GTF2H4: variants seen among roughly 807,000 people sequenced by gnomAD.
The protein encoded by GTF2H4 is BTF2 p52.
GTF2H4 carries 49 observed loss-of-function variants against 62.2 expected under a neutral mutation model. That is an observed-to-expected ratio of 0.79 (90% confidence interval 0.63 to 1.00). The LOEUF (loss-of-function observed/expected upper bound fraction) is 1.00. Ranked by LOEUF, GTF2H4 falls within the 50% of genes least tolerant of loss-of-function variation. The pLI, the probability that GTF2H4 is intolerant of heterozygous loss-of-function variation, is 0.00. For synonymous variants in GTF2H4, 189 were observed against 233.8 expected (o/e 0.81, Z 1.75); for missense variants, 479 against 587.8 (o/e 0.81, Z 1.91).
Position 30,912,051 on chromosome 6 carries a change from T to C in GTF2H4, c.863T>C (p.Ile288Thr). The change falls in exon 10 of 14, where the codon ATC becomes ACC. Residue 288 changes from isoleucine (I) to threonine (T), a missense_variant. Transcript: ENST00000259895. The surrounding 1 kb of genome is among the most constrained non-coding windows in gnomAD (Gnocchi z 4.8). ...CGTTACTACCCCACACGCCTGGCCA[T>C]CAATCTCTCATCAGGTGTCTCTGGA... ...SRRYYPTRLA[I>T]NLSSGVSGAG... 3.7e-6 allele frequency: 6 copies of C among 1,612,948 alleles called. No individual in the cohort carries two copies. The highest frequency in any genetic ancestry group is 5.1e-6 in the Non-Finnish European group (6 of 1,179,986).
Position 30,909,583 on chromosome 6 carries a change from C to A in GTF2H4, c.242+44C>A. ...CAAATTTCTCAACAGCTACATTTCC[C>A]AAACTGCTGTTCCTTGGAGCACTTC... is the stretch of plus-strand genomic sequence containing the variant. On this transcript the variant is annotated intron_variant, in intron 3 of 13. Transcript: ENST00000259895. The surrounding 1 kb of genome is among the most constrained non-coding windows in gnomAD (Gnocchi z 4.3). The A allele has an allele frequency of 1.7e-6, 2 of 1,183,272 alleles. No individual in the cohort carries two copies. The highest frequency in any genetic ancestry group is 2.5e-6 in the Non-Finnish European group (2 of 789,462). 73.3% of individuals were successfully genotyped at this position (1,183,272 alleles called of 1,614,324 possible). A position where few individuals can be genotyped will look rare whatever the true frequency, so the allele number is the denominator to read the frequency against.
In GTF2H4 at chr6:30,912,427, A is replaced by G; in HGVS notation, c.1058A>G (p.Gln353Arg). 6.2e-7 allele frequency: 1 copy of G among 1,612,870 alleles called. No individual in the cohort carries two copies. Among genetic ancestry groups the G allele is most frequent in the South Asian group, 1.1e-5 (1 of 91,082 alleles). Reference protein sequence around the residue: ...VAQVTRESVQQAIASGITAQQ... With the variant: ...VAQVTRESVQRAIASGITAQQ... ...CAGGTGACCCGGGAGAGTGTGCAGC[A>G]GGCAATCGCCAGTGGCATCACAGCC... The change falls in exon 11 of 14, where the codon CAG becomes CGG. Residue 353 changes from glutamine to arginine, a missense_variant. Transcript: ENST00000259895. The surrounding 1 kb of genome is among the most constrained non-coding windows in gnomAD (Gnocchi z 4.8).
In GTF2H4 at chr6:30,910,848, T is replaced by C; in HGVS notation, c.472-5T>C. 6.2e-7 allele frequency: 1 copy of C among 1,612,174 alleles called. No homozygotes were observed. Among genetic ancestry groups the C allele is most frequent in the African/African-American group, 1.3e-5 (1 of 75,000 alleles). On this transcript the variant is annotated splice_polypyrimidine_tract_variant and splice_region_variant and intron_variant, in intron 5 of 13. Coordinates refer to ENST00000259895, the MANE Select transcript of GTF2H4 (RefSeq NM_001517.5). The surrounding 1 kb of genome is among the most constrained non-coding windows in gnomAD (Gnocchi z 4.7). ...ATGGTCTCCCTGTTCTCTTCTGTTC[T>C]TCAGGTGGTCTTGCACTTCATGGTG... is the stretch of plus-strand genomic sequence containing the variant.
At position 30,913,341 on chromosome 6, in the gene GTF2H4, G is replaced by C. The variant is rs559403149; in HGVS notation, c.1170G>C (p.Gln390His). The C allele has an allele frequency of 1.2e-6, 2 of 1,613,414 alleles. No homozygotes were observed. The highest frequency in any genetic ancestry group is 1.7e-6 in the Non-Finnish European group (2 of 1,180,020). Residue 390 changes from glutamine to histidine, a missense_variant, in exon 13 of 14, where the codon CAG becomes CAC. Transcript: ENST00000259895. The surrounding 1 kb of genome is among the most constrained non-coding windows in gnomAD (Gnocchi z 4.2). ...TGCTGCCCCCCACCATCACCGACCAGATCCGGCTCTGGGAGCTGGAAAGGG... is the reference window on the plus strand; with the variant it reads ...TGCTGCCCCCCACCATCACCGACCACATCCGGCTCTGGGAGCTGGAAAGGG... ...TPVLPPTITDQIRLWELERDR... is the reference protein window; with the variant it reads ...TPVLPPTITDHIRLWELERDR...
Position 30,914,009 on chromosome 6 carries a change from CGGCGGGCGGGACTG to C in GTF2H4, c.*33_*46del. On this transcript the variant is annotated 3_prime_UTR_variant, in exon 14 of 14. Coordinates refer to ENST00000259895, the MANE Select transcript of GTF2H4 (RefSeq NM_001517.5). ...GAGCGCGGGACTTGGACACGGACCT[CGGCGGGCGGGACTG>C]GGCGGGGCGGGGCATCAGAACTCAG... The C allele has an allele frequency of 1.2e-6, 1 of 864,906 alleles. No homozygotes were observed. 53.6% of individuals were successfully genotyped at this position (864,906 alleles called of 1,614,324 possible).
At position 30,909,128 on chromosome 6, in the gene GTF2H4, T is replaced by C; in HGVS notation, c.92T>C (p.Leu31Ser). Residue 31 changes from leucine (L) to serine (S), a missense_variant, in exon 2 of 14, where the codon TTG becomes TCG. Transcript: ENST00000259895. The surrounding 1 kb of genome is among the most constrained non-coding windows in gnomAD (Gnocchi z 4.3). ...EFLGGLSPGV[L>S]DRLYGHPATC... Reference sequence around the variant, plus strand: ...TTAGGGGGCCTGAGCCCTGGGGTATTGGACCGATTGTATGGGCACCCTGCC... The same window carrying C: ...TTAGGGGGCCTGAGCCCTGGGGTATCGGACCGATTGTATGGGCACCCTGCC... The C allele has an allele frequency of 1.9e-6, 3 of 1,614,144 alleles. No individual in the cohort carries two copies. Among genetic ancestry groups the C allele is most frequent in the Non-Finnish European group, 2.5e-6 (3 of 1,180,014 alleles).
chr6:30,913,824 C>T lies in GTF2H4; in HGVS notation c.1230C>T (p.Asn410=). Residue 410 remains asparagine, a synonymous_variant, in exon 14 of 14, where the codon AAC becomes AAT. Coordinates refer to ENST00000259895, the MANE Select transcript of GTF2H4 (RefSeq NM_001517.5). The surrounding 1 kb of genome is among the most constrained non-coding windows in gnomAD (Gnocchi z 4.2). ...RLRFTEGVLY[N]QFLSQVDFEL... Reference sequence around the variant, plus strand: ...TGCCGACCCCAGGTGTCCTGTATAACCAGTTCCTGTCGCAAGTGGACTTTG... The same window carrying T: ...TGCCGACCCCAGGTGTCCTGTATAATCAGTTCCTGTCGCAAGTGGACTTTG... 1 of 1,595,132 alleles carries T rather than the reference C, an allele frequency of 6.3e-7. No individual in the cohort carries two copies. Among genetic ancestry groups the T allele is most frequent in the Non-Finnish European group, 8.5e-7 (1 of 1,169,836 alleles).
chr6:30,909,096 G>A lies in GTF2H4; in HGVS notation c.60G>A (p.Gln20=). 1 of 1,614,172 alleles carries A rather than the reference G, an allele frequency of 6.2e-7. No individual in the cohort carries two copies. Among genetic ancestry groups the A allele is most frequent in the Non-Finnish European group, 8.5e-7 (1 of 1,180,002 alleles). The change falls in exon 2 of 14, where the codon CAG becomes CAA. Residue 20 remains glutamine (Q), a synonymous_variant. Transcript: ENST00000259895. This position sits in a 1 kb window ranked among gnomAD's most constrained non-coding sequence, Gnocchi z 4.3. ...TACACCTACAATGCAGGAATCTGCA[G>A]GAATTCTTAGGGGGCCTGAGCCCTG... is the stretch of plus-strand genomic sequence containing the variant. ...NRVHLQCRNL[Q]EFLGGLSPGV...
rs770780375 is a variant in GTF2H4 at position 30,910,718 on chromosome 6, G to A, written c.428G>A (p.Arg143Gln). 12 of 1,612,938 alleles carry A rather than the reference G, an allele frequency of 7.4e-6. No homozygotes were observed. The South Asian group carries it at 7.7e-5, about 10-fold the overall frequency. ...CAGCTGGGACCAGACAAGCATGCCC[G>A]GGACGTTCCCTCCCTTGACAAGTAC... ...TSQLGPDKHA[R>Q]DVPSLDKYAE... Residue 143 changes from arginine (R) to glutamine (Q), a missense_variant, in exon 5 of 14, where the codon CGG (arginine) becomes CAG (glutamine). Transcript: ENST00000259895. This position sits in a 1 kb window ranked among gnomAD's most constrained non-coding sequence, Gnocchi z 4.7.
In GTF2H4 at chr6:30,908,209, T is replaced by TC. The variant is rs1793609584; in HGVS notation, c.-196dup. 1 of 152,700 alleles carries TC rather than the reference T, an allele frequency of 6.5e-6. No individual in the cohort carries two copies. The highest frequency in any genetic ancestry group is 1.5e-5 in the Non-Finnish European group (1 of 68,444). 9.5% of individuals were successfully genotyped at this position (152,700 alleles called of 1,614,324 possible). ...ATTCTCATCCTCTTCACTTTTCCAC[T>TC]CCTCCCCTTACCTCCCTTCTCTTCT... On this transcript the variant is annotated 5_prime_UTR_variant, in exon 1 of 14. Coordinates refer to ENST00000259895, the MANE Select transcript of GTF2H4 (RefSeq NM_001517.5).
Position 30,913,765 on chromosome 6 carries a change from A to C in GTF2H4, c.1217-46A>C. 1 of 1,483,980 alleles carries C rather than the reference A, an allele frequency of 6.7e-7. No individual in the cohort carries two copies. The highest frequency in any genetic ancestry group is 1.4e-5 in the South Asian group (1 of 73,108). 91.9% of individuals were successfully genotyped at this position (1,483,980 alleles called of 1,614,324 possible). ...ATTCCCAATAGGAGCTCCGAGCTTC[A>C]CTTTCTCGTCTTCTCCCCGCGCCCC... On this transcript the variant is annotated intron_variant, in intron 13 of 13. Coordinates refer to ENST00000259895, the MANE Select transcript of GTF2H4 (RefSeq NM_001517.5). The surrounding 1 kb of genome is among the most constrained non-coding windows in gnomAD (Gnocchi z 4.2).
At position 30,913,257 on chromosome 6, in the gene GTF2H4, G is replaced by A; in HGVS notation, c.1138-52G>A. 6.2e-7 allele frequency: 1 copy of A among 1,612,474 alleles called. No individual in the cohort carries two copies. The highest frequency in any genetic ancestry group is 8.5e-7 in the Non-Finnish European group (1 of 1,178,678). The stretch of plus-strand genomic sequence containing the variant: ...ATCTGGGGAAGAAACAGAGGGCCGG[G>A]TTGTCTGGGGCAGTATTCTGAGTCC... On this transcript the variant is annotated intron_variant, in intron 12 of 13. Transcript: ENST00000259895. The surrounding 1 kb of genome is among the most constrained non-coding windows in gnomAD (Gnocchi z 4.2).
chr6:30,908,873 C>T (rs2150533643), intron 1 of GTF2H4, among the ~76,000 whole-genome samples, 161 bp from the exon 2 acceptor site: 1 of 152,240 alleles, frequency 6.6e-6, no homozygotes, highest in East Asian at 1.9e-4. Flanking sequence ...GGAGATTGGT[C>T]AGGTTTGGGA....
Position 30,910,190 on chromosome 6 carries a change from C to T in GTF2H4, c.374+127C>T. On this transcript the variant is annotated intron_variant, in intron 4 of 13. Transcript: ENST00000259895. This position sits in a 1 kb window ranked among gnomAD's most constrained non-coding sequence, Gnocchi z 4.7. ...AACCTTGTGGTCTCCACGTTGGGAA[C>T]TCCTTTAGGAGTAAGTTGGACCAGA... 1 of 976,054 alleles carries T rather than the reference C, an allele frequency of 1.0e-6. No individual in the cohort carries two copies. The highest frequency in any genetic ancestry group is 1.5e-6 in the Non-Finnish European group (1 of 645,940). The allele number at this position is 976,054 out of a possible 1,614,324, so 60.5% of individuals were successfully genotyped here. A position where few individuals can be genotyped will look rare whatever the true frequency, so the allele number is the denominator to read the frequency against.
Position 30,913,204 on chromosome 6 carries a change from A to G in GTF2H4, c.1137+47A>G. 1 of 1,613,552 alleles carries G rather than the reference A, an allele frequency of 6.2e-7. No individual in the cohort carries two copies. Among genetic ancestry groups the G allele is most frequent in the Non-Finnish European group, 8.5e-7 (1 of 1,179,584 alleles). ...TCAGAGGCTGGCAGCTGGTGATGAC[A>G]TGATGGAAAAGAAAAAGGGGCATCC... is the stretch of plus-strand genomic sequence containing the variant. On this transcript the variant is annotated intron_variant, in intron 12 of 13. Coordinates refer to ENST00000259895, the MANE Select transcript of GTF2H4 (RefSeq NM_001517.5). The surrounding 1 kb of genome is among the most constrained non-coding windows in gnomAD (Gnocchi z 4.2).
chr6:30,910,111 T>G lies in GTF2H4; in HGVS notation c.374+48T>G. 6.3e-7 allele frequency: 1 copy of G among 1,596,668 alleles called. No homozygotes were observed. The highest frequency in any genetic ancestry group is 8.5e-7 in the Non-Finnish European group (1 of 1,171,306). On this transcript the variant is annotated intron_variant, in intron 4 of 13. Transcript: ENST00000259895. The surrounding 1 kb of genome is among the most constrained non-coding windows in gnomAD (Gnocchi z 4.7). Reference sequence around the variant, plus strand: ...TAAGCTAGGGCAGGGGAACTGCTGCTTATTAAACCACTAATTAAACTTTGG... The same window carrying G: ...TAAGCTAGGGCAGGGGAACTGCTGCGTATTAAACCACTAATTAAACTTTGG...
Position 30,909,483 on chromosome 6 carries a change from G to A in GTF2H4, c.186G>A (p.Leu62=). 1 of 1,612,818 alleles carries A rather than the reference G, an allele frequency of 6.2e-7. No individual in the cohort carries two copies. The highest frequency in any genetic ancestry group is 1.6e-4 in the Middle Eastern group (1 of 6,062). Reference sequence around the variant, plus strand: ...ACTGGGTGATGCGGATGCTCTTTCTGGAGCAGCCTTTGCCACAGGCTGCTG... The same window carrying A: ...ACTGGGTGATGCGGATGCTCTTTCTAGAGCAGCCTTTGCCACAGGCTGCTG... The part of the protein sequence containing the change: ...AKNWVMRMLF[L]EQPLPQAAVA... Residue 62 remains leucine, a synonymous_variant, in exon 3 of 14, where the codon CTG becomes CTA. Coordinates refer to ENST00000259895, the MANE Select transcript of GTF2H4 (RefSeq NM_001517.5). The surrounding 1 kb of genome is among the most constrained non-coding windows in gnomAD (Gnocchi z 4.3).
At position 30,913,210 on chromosome 6, in the gene GTF2H4, G is replaced by GA. The variant is rs1793877323; in HGVS notation, c.1137+57dup. 6 of 1,612,064 alleles carry GA rather than the reference G, an allele frequency of 3.7e-6. No homozygotes were observed. The Admixed American group carries it at 6.7e-5, about 18-fold the overall frequency. On this transcript the variant is annotated intron_variant, in intron 12 of 13. Coordinates refer to ENST00000259895, the MANE Select transcript of GTF2H4 (RefSeq NM_001517.5). The surrounding 1 kb of genome is among the most constrained non-coding windows in gnomAD (Gnocchi z 4.2). The stretch of plus-strand genomic sequence containing the variant: ...GCTGGCAGCTGGTGATGACATGATG[G>GA]AAAAGAAAAAGGGGCATCCAAATCT...
At position 30,914,088 on chromosome 6, in the gene GTF2H4, AAAGTT is replaced by A; in HGVS notation, c.*107_*111del. 5.1e-6 allele frequency: 6 copies of A among 1,186,078 alleles called. No individual in the cohort carries two copies. In the South Asian group the frequency reaches 1.0e-4, roughly 20 times the overall value. The allele number at this position is 1,186,078 out of a possible 1,614,324, so 73.5% of individuals were successfully genotyped here. The stretch of plus-strand genomic sequence containing the variant: ...CGCGTCAGGGCTTTTCTTGTTTAAT[AAAGTT>A]ATGATAGCTAGCAGTGCGGTCCCGG... On this transcript the variant is annotated 3_prime_UTR_variant, in exon 14 of 14. Transcript: ENST00000259895.
Sources: allele counts gnomAD v4.1 joint callset (sites outside exome capture counted in the v4.1 genomes callset), GRCh38; gene constraint gnomAD v4.1.1; non-coding constraint Gnocchi (gnomAD v3.1); transcripts MANE v1.5; gene names NCBI Gene and HGNC (gene_info 2026-07-23, HGNC 2026-07-21).